Variants in NAV2 observed in about 807,000 individuals in gnomAD.
The protein encoded by NAV2 is neuron navigator 2.
A neutral mutation model predicts 223.2 loss-of-function variants in NAV2; 54 were observed. The ratio of observed to expected loss-of-function variants is 0.24; its 90% CI spans 0.19 to 0.30. The LOEUF is 0.30. Ranked by LOEUF, NAV2 falls within the 10% of genes least tolerant of loss-of-function variation. The probability of loss-of-function intolerance (pLI) is 1.00; values close to 1 mark genes in which losing one functional copy is unlikely to be tolerated. For missense variants in NAV2, 2,806 were observed against 3,147.5 expected, an observed-to-expected ratio of 0.89 and a Z score of 2.60; for synonymous variants, 1,279 against 1,239.3, an observed-to-expected ratio of 1.03 and a Z score of -0.67.
rs1175843163 is a variant in NAV2, at chr11:20,119,205, C to T, written c.*947C>T. ...TGAAGATTTTTTTTTCCCCCTTCCCCTCTTGGTCAGAATCAATCCTTTGGT... is the reference window on the plus strand; with the variant it reads ...TGAAGATTTTTTTTTCCCCCTTCCCTTCTTGGTCAGAATCAATCCTTTGGT... On this transcript the variant is annotated 3_prime_UTR_variant, in exon 38 of 38. Transcript: ENST00000349880. The T allele has an allele frequency of 6.6e-6, 1 of 151,990 alleles. No individual in the cohort carries two copies. Among genetic ancestry groups the T allele is most frequent in the Middle Eastern group, 3.2e-3 (1 of 316 alleles). The allele number at this position is 151,990 out of a possible 1,614,324, so 9.4% of individuals were successfully genotyped here. A position where few individuals can be genotyped will look rare whatever the true frequency, so the allele number is the denominator to read the frequency against.
intron 8 of NAV2, among the ~76,000 whole-genome samples, chr11:19,946,035 C>T (rs367576721): frequency 7.2e-4 from 110 of 152,340 alleles, no homozygotes; most frequent in African/African-American, 2.6e-3. Context: ...AAACAAAATG[C>T]TTCACTCATT....
rs376474814 is a variant in NAV2, at chr11:19,943,656, T to C, written c.2147-2745T>C. Among the ~76,000 whole-genome samples the C allele has an allele frequency of 2.7e-3, 415 of 152,290 alleles. 17 individuals carry two copies. In the South Asian group the frequency reaches 0.083, roughly 30 times the overall value. On this transcript the variant is annotated intron_variant, in intron 8 of 37. Coordinates refer to ENST00000349880, the MANE Select transcript of NAV2 (RefSeq NM_145117.5). ...ATTGTTGGAAGTTCAACTTGGTGTC[T>C]GATGTCAATTCTACTTGCTGCTGCT...
chr11:19,529,624 C>T (rs1179343172), intron 1 of NAV2, among the ~76,000 whole-genome samples: 2 of 152,164 alleles, frequency 1.3e-5, no homozygotes, highest in Non-Finnish European at 2.9e-5. Flanking sequence ...CCCAGGGGTA[C>T]GGGAACTTTT....
At chr11:19,763,550 G>A (rs1449439641) in intron 1 of NAV2, among the ~76,000 whole-genome samples, 12 of 152,160 alleles carry the variant, frequency 7.9e-5, no homozygotes, top group Admixed American at 7.9e-4. Flanking sequence ...TTTCTCAGTG[G>A]CTGCGGAATT....
chr11:20,035,184 A>G (rs1403964853), intron 11 of NAV2, among the ~76,000 whole-genome samples: 5 of 152,182 alleles, frequency 3.3e-5, no homozygotes, highest in African/African-American at 4.8e-5. Flanking sequence ...TGACCGCACC[A>G]TGAACTGCAG....
chr11:19,762,185 G>A (rs1036132112), intron 1 of NAV2, among the ~76,000 whole-genome samples: 3 of 152,222 alleles, frequency 2.0e-5, no homozygotes, highest in Admixed American at 6.5e-5. Context: ...GGAGGCTGCA[G>A]TGAGCTGAGA....
chr11:19,550,515 A>G (rs2044656051), intron 1 of NAV2, among the ~76,000 whole-genome samples: 2 of 152,242 alleles, frequency 1.3e-5, no homozygotes, highest in African/African-American at 4.8e-5. Context: ...GCAGATCGAT[A>G]CAGGGTGGAT....
intron 1 of NAV2, among the ~76,000 whole-genome samples, chr11:19,396,942 AC>A (rs1849473638): frequency 6.6e-6 from 1 of 152,154 alleles, no homozygotes; most frequent in Non-Finnish European, 1.5e-5. Flanking sequence ...ATGTGTATTC[AC>A]CGGAAGCCTC....
At chr11:19,995,946 T>C (rs2153474603) in intron 11 of NAV2, among the ~76,000 whole-genome samples, 1 of 152,286 alleles carries the variant, frequency 6.6e-6, no homozygotes, top group Admixed American at 6.5e-5. Flanking sequence ...GCCTGGAGAA[T>C]GGGCAATGTC....
At chr11:19,402,159 T>G (rs541494492) in intron 1 of NAV2, among the ~76,000 whole-genome samples, 7 of 152,268 alleles carry the variant, frequency 4.6e-5, no homozygotes, top group African/African-American at 1.7e-4. Flanking sequence ...AGGCCACCTC[T>G]CTAGATGGTA....
intron 1 of NAV2, chr11:19,511,019 G>A (rs1753314957): frequency 6.6e-6 from 1 of 152,204 alleles, no homozygotes; most frequent in Non-Finnish European, 1.5e-5. Flanking sequence ...CCCCACGTAA[G>A]GCTGTGAGAT....
At chr11:19,758,938 T>C (rs1176816507) in intron 1 of NAV2, among the ~76,000 whole-genome samples, 3 of 152,146 alleles carry the variant, frequency 2.0e-5, no homozygotes, top group Non-Finnish European at 2.9e-5. Context: ...CCCTGAGGAT[T>C]GTGGAGGAAC....
intron 1 of NAV2, among the ~76,000 whole-genome samples, chr11:19,568,346 C>G (rs996184362): frequency 6.6e-6 from 1 of 152,154 alleles, no homozygotes; most frequent in Non-Finnish European, 1.5e-5. Context: ...CTGAGAGAGG[C>G]TCTAGACGTG....
At chr11:19,434,329 G>A (rs1213562795) in intron 1 of NAV2, among the ~76,000 whole-genome samples, 3 of 152,202 alleles carry the variant, frequency 2.0e-5, no homozygotes, top group East Asian at 3.8e-4. Flanking sequence ...GGAGAAAGTG[G>A]CACTGGGGTT....
chr11:20,016,088 G>A (rs556798109), intron 11 of NAV2, among the ~76,000 whole-genome samples: 4 of 152,334 alleles, frequency 2.6e-5, no homozygotes, highest in African/African-American at 9.6e-5. Flanking sequence ...AATTAAATGA[G>A]ATGAGATGTG....
chr11:19,905,691 C>T (rs1445084173), intron 6 of NAV2, among the ~76,000 whole-genome samples: 1 of 152,222 alleles, frequency 6.6e-6, no homozygotes, highest in Non-Finnish European at 1.5e-5. Context: ...CCAGTGAATA[C>T]CTGTGAGGGA....
chr11:19,838,594 G>A (rs1380899876), intron 2 of NAV2, among the ~76,000 whole-genome samples: 1 of 152,156 alleles, frequency 6.6e-6, no homozygotes, highest in African/African-American at 2.4e-5. Flanking sequence ...AACATCTGAT[G>A]TGTAACTTCA....
chr11:19,843,624 C>T (rs2060621012), intron 3 of NAV2, among the ~76,000 whole-genome samples: 1 of 152,034 alleles, frequency 6.6e-6, no homozygotes, highest in Non-Finnish European at 1.5e-5. Flanking sequence ...AAACAAATTT[C>T]AAGCATGAAT....
At chr11:19,945,115 C>CTCTTTCTT (rs201727696) in intron 8 of NAV2, among the ~76,000 whole-genome samples, 47 of 129,494 alleles carry the variant, frequency 3.6e-4, no homozygotes, top group African/African-American at 1.2e-3. Flanking sequence ...TTCTTTTTTT[C>CTCTTTCTT]TCTTTCTTTC....
Sources: gnomAD v4.1 joint callset for allele counts (sites outside exome capture counted in the v4.1 genomes callset) on GRCh38, gnomAD v4.1.1 for gene constraint, MANE v1.5 for transcripts, NCBI Gene and HGNC (gene_info 2026-07-23, HGNC 2026-07-21) for gene names.